NPFFR2: variants seen among roughly 807,000 people sequenced by gnomAD.
NPFFR2 encodes neuropeptide FF receptor 2.
NPFFR2 carries 15 observed loss-of-function variants against 13.1 expected under a neutral mutation model. That is an observed-to-expected ratio of 1.15 (90% CI 0.77 to 1.76). The LOEUF (loss-of-function observed/expected upper bound fraction) is 1.76. Ranked by LOEUF, NPFFR2 falls within the 40% of genes most tolerant of loss-of-function variation. The pLI is 0.00. For missense variants in NPFFR2, 572 were observed against 503.5 expected, an observed-to-expected ratio of 1.14 and a Z score of -1.30; for synonymous variants, 190 against 175.7, an observed-to-expected ratio of 1.08 and a Z score of -0.65.
chr4:72,078,006 C>T (rs1720494219), intron 1 of NPFFR2, among the ~76,000 whole-genome samples: 1 of 151,716 alleles, frequency 6.6e-6, no homozygotes, highest in Non-Finnish European at 1.5e-5. Context: ...TTTTTGTTTG[C>T]CAGAACCATT....
chr4:72,102,957 A>G (rs1721300127), intron 1 of NPFFR2, among the ~76,000 whole-genome samples: 1 of 152,094 alleles, frequency 6.6e-6, no homozygotes, highest in Non-Finnish European at 1.5e-5. Flanking sequence ...ACTGAGTTCC[A>G]CAATGGTTGA....
intron 1 of NPFFR2, among the ~76,000 whole-genome samples, chr4:72,037,355 G>A (rs2109751938): frequency 6.8e-6 from 1 of 147,462 alleles, no homozygotes; most frequent in East Asian, 2.0e-4. Context: ...AGTGAGCCAT[G>A]ATTATGCCAC....
Position 72,147,548 on chromosome 4 carries a change from T to C in NPFFR2, c.999T>C (p.Tyr333=), listed in dbSNP as rs758200258. The change falls in exon 4 of 4, where the codon TAT becomes TAC. Residue 333 remains tyrosine (Y), a synonymous_variant. Transcript: ENST00000308744. ...FGNSSVNPII[Y]GFFNENFRRG... ...ACAGCAGTGTCAATCCCATCATTTA[T>C]GGTTTCTTCAACGAGAATTTCCGCC... 14 of 1,614,118 alleles carry C rather than the reference T, an allele frequency of 8.7e-6. No individual in the cohort carries two copies. The highest frequency in any genetic ancestry group is 6.7e-5 in the African/African-American group (5 of 74,938).
intron 1 of NPFFR2, among the ~76,000 whole-genome samples, chr4:72,111,362 A>T (rs1721562394): frequency 6.6e-6 from 1 of 151,986 alleles, no homozygotes; most frequent in South Asian, 2.1e-4. Context: ...ATTGAGATGG[A>T]GAAGAAAGCA....
intron 1 of NPFFR2, among the ~76,000 whole-genome samples, chr4:72,072,606 G>C (rs1473613870): frequency 6.6e-5 from 10 of 152,060 alleles, no homozygotes; most frequent in Non-Finnish European, 1.3e-4. Context: ...TATACATTAT[G>C]AAAATCTCAG....
At chr4:72,066,963 C>G (rs1288518535) in intron 1 of NPFFR2, among the ~76,000 whole-genome samples, 2 of 152,100 alleles carry the variant, frequency 1.3e-5, no homozygotes, top group Non-Finnish European at 2.9e-5. Flanking sequence ...AAGAATTGCT[C>G]TACTGGGGGC....
At chr4:72,132,802 GA>G (rs1216438034) in intron 2 of NPFFR2, among the ~76,000 whole-genome samples, 6 of 151,932 alleles carry the variant, frequency 3.9e-5, no homozygotes, top group African/African-American at 1.4e-4. Flanking sequence ...GTCTTCTTTT[GA>G]AAAATATCTG....
At chr4:72,091,757 A>G (rs1257846439) in intron 1 of NPFFR2, among the ~76,000 whole-genome samples, 2 of 151,782 alleles carry the variant, frequency 1.3e-5, no homozygotes, top group Admixed American at 6.6e-5. Context: ...ATGTTCTATC[A>G]ATTTTATTTA....
At chr4:72,132,428 T>C (rs28881938) in intron 2 of NPFFR2, among the ~76,000 whole-genome samples, 6,679 of 152,308 alleles carry the variant, frequency 0.044, 406 homozygotes, top group African/African-American at 0.14. Context: ...TTCCATGTCT[T>C]TGCTATCGTG....
chr4:72,078,689 T>C (rs553540446), intron 1 of NPFFR2, among the ~76,000 whole-genome samples: 1 of 152,072 alleles, frequency 6.6e-6, no homozygotes, highest in Non-Finnish European at 1.5e-5. Context: ...AAAAAAGCAA[T>C]GTGGTATTGG....
chr4:72,119,538 C>T (rs1366706902), intron 1 of NPFFR2, among the ~76,000 whole-genome samples: 1 of 152,146 alleles, frequency 6.6e-6, no homozygotes, highest in African/African-American at 2.4e-5. Flanking sequence ...GCGAGATCAA[C>T]ACAGAAGGCA....
chr4:72,043,136 C>T (rs752855761), intron 1 of NPFFR2, among the ~76,000 whole-genome samples: 11 of 152,162 alleles, frequency 7.2e-5, no homozygotes, highest in South Asian at 4.1e-4. Context: ...TTGGTAGCTG[C>T]CATGTAGTGT....
chr4:72,088,955 C>A (rs756831730), intron 1 of NPFFR2, among the ~76,000 whole-genome samples: 2 of 151,944 alleles, frequency 1.3e-5, no homozygotes, highest in East Asian at 1.9e-4. Flanking sequence ...TTGTACCCAG[C>A]GTGTAGTCTT....
intron 3 of NPFFR2, among the ~76,000 whole-genome samples, chr4:72,138,894 C>A (rs1409810433): frequency 6.6e-6 from 1 of 152,146 alleles, no homozygotes; most frequent in Non-Finnish European, 1.5e-5. Flanking sequence ...TAAAAGTGTT[C>A]CAATTTCTGC....
intron 1 of NPFFR2, among the ~76,000 whole-genome samples, chr4:72,120,557 G>A (rs1187212502): frequency 1.3e-5 from 2 of 152,198 alleles, no homozygotes; most frequent in African/African-American, 4.8e-5. Flanking sequence ...TCCAGAGGAA[G>A]GAACAGGCAG....
chr4:72,112,007 C>T (rs1721579913), intron 1 of NPFFR2, among the ~76,000 whole-genome samples: 1 of 151,958 alleles, frequency 6.6e-6, no homozygotes, highest in African/African-American at 2.4e-5. Context: ...GGCTTTTTTA[C>T]CAGGATTTGC....
intron 1 of NPFFR2, 42 bp from the exon 2 acceptor site, chr4:72,128,543 G>T (rs1480209066): frequency 5.6e-6 from 7 of 1,249,456 alleles, no homozygotes; most frequent in East Asian, 2.4e-5. Flanking sequence ...TGCTTTACTG[G>T]TTCCTAATTA....
At chr4:72,065,896 C>G (rs4350978) in intron 1 of NPFFR2, among the ~76,000 whole-genome samples, 136,919 of 152,196 alleles carry the variant, frequency 0.9, 62,552 homozygotes, top group Non-Finnish European at 0.98. Context: ...ACTTCCCTGA[C>G]CATCCCCTAG....
chr4:72,052,849 A>T (rs147573462), intron 1 of NPFFR2, among the ~76,000 whole-genome samples: 1 of 151,966 alleles, frequency 6.6e-6, no homozygotes, highest in African/African-American at 2.4e-5. Context: ...ACAATCGCTT[A>T]TCTTAAGCAG....
Sources: gnomAD v4.1 joint callset for allele counts (sites outside exome capture counted in the v4.1 genomes callset) on GRCh38, gnomAD v4.1.1 for gene constraint, MANE v1.5 for transcripts, NCBI Gene and HGNC (gene_info 2026-07-23, HGNC 2026-07-21) for gene names.